KIAA1328: variants seen among roughly 807,000 people sequenced by gnomAD.
The protein encoded by KIAA1328 is protein hinderin.
KIAA1328 carries 52 observed loss-of-function variants against 68.1 expected under a neutral mutation model. The observed-to-expected ratio is 0.76, with a 90% CI of 0.61 to 0.96. The LOEUF is 0.96. Ranked by LOEUF, KIAA1328 falls within the 40% of genes least tolerant of loss-of-function variation. The probability of loss-of-function intolerance (pLI) is 0.00; values close to 1 mark genes in which losing one functional copy is unlikely to be tolerated. For synonymous variants in KIAA1328, 232 were observed against 239.4 expected, an observed-to-expected ratio of 0.97 and a Z score of 0.28; for missense variants, 641 against 677.6, an observed-to-expected ratio of 0.95 and a Z score of 0.60.
At chr18:37,160,537 A>G (rs1023603179) in intron 8 of KIAA1328, among the ~76,000 whole-genome samples, 156 bp downstream of exon 8, 1 of 152,222 alleles carries the variant, frequency 6.6e-6, no homozygotes, top group African/African-American at 2.4e-5. Context: ...CATTTACTAG[A>G]TTAGTGAATT....
chr18:37,054,298 T>A (rs746988197), intron 6 of KIAA1328, among the ~76,000 whole-genome samples: 24 of 152,110 alleles, frequency 1.6e-4, no homozygotes, highest in Non-Finnish European at 3.1e-4. Flanking sequence ...TACCTAGCAG[T>A]CTCACTACTA....
rs189115609 is a variant in KIAA1328 at position 36,891,261 on chromosome 18, C to T, written c.448+5589C>T. On this transcript the variant is annotated intron_variant, in intron 5 of 9. Coordinates refer to ENST00000280020, the MANE Select transcript of KIAA1328 (RefSeq NM_020776.3). ...TGAATTATGTACATATATTTAAATA[C>T]CACTCTATATTCAAGAAATACATAT... Among the ~76,000 whole-genome samples, 156 of 152,154 alleles carry T rather than the reference C, an allele frequency of 1.0e-3. 1 individual carries two copies. The East Asian group carries it at 0.015, about 14-fold the overall frequency.
At chr18:36,918,220 T>G (rs2049783179) in intron 5 of KIAA1328, among the ~76,000 whole-genome samples, 1 of 152,098 alleles carries the variant, frequency 6.6e-6, no homozygotes, top group Non-Finnish European at 1.5e-5. Context: ...TCCATCAGTC[T>G]TGCAGAGTAT....
chr18:37,219,200 G>A (rs1341504615), intron 9 of KIAA1328, among the ~76,000 whole-genome samples: 1 of 152,172 alleles, frequency 6.6e-6, no homozygotes, highest in African/African-American at 2.4e-5. Flanking sequence ...TCCTTCCTCT[G>A]GAAGCTTCAT....
chr18:37,083,026 T>C (rs1429164049), intron 7 of KIAA1328, among the ~76,000 whole-genome samples: 3 of 152,198 alleles, frequency 2.0e-5, no homozygotes, highest in African/African-American at 7.2e-5. Context: ...CAGCCCTCAC[T>C]TTAGTAATTT....
At chr18:37,135,465 T>A (rs2058622767) in intron 7 of KIAA1328, among the ~76,000 whole-genome samples, 1 of 152,200 alleles carries the variant, frequency 6.6e-6, no homozygotes, top group Non-Finnish European at 1.5e-5. Context: ...ATACTGAGCA[T>A]TTTTTCATGT....
At chr18:36,836,652 C>T (rs904393597) in intron 3 of KIAA1328, among the ~76,000 whole-genome samples, 2 of 151,824 alleles carry the variant, frequency 1.3e-5, no homozygotes, top group African/African-American at 4.8e-5. Context: ...TAAAATTCAC[C>T]TTTTTAAAGT....
At chr18:37,009,068 A>C (rs929430060) in intron 6 of KIAA1328, among the ~76,000 whole-genome samples, 3 of 152,222 alleles carry the variant, frequency 2.0e-5, no homozygotes, top group African/African-American at 7.2e-5. Context: ...CATAAGACAC[A>C]AATGAGGACA....
chr18:37,098,104 T>A lies in KIAA1328; in HGVS notation c.1232+30559T>A, dbSNP rs323315. 7.5e-3 allele frequency among the ~76,000 whole-genome samples: 1,132 copies of A among 151,508 alleles called. 13 individuals carry two copies. The highest frequency in any genetic ancestry group is 0.026 in the African/African-American group (1,086 of 41,380). ...TGATTGCTCTGGCCAGAACTTCCAATACTATGTTGAATAGGAGTGGTGAGA... is the reference window on the plus strand; with the variant it reads ...TGATTGCTCTGGCCAGAACTTCCAAAACTATGTTGAATAGGAGTGGTGAGA... On this transcript the variant is annotated intron_variant, in intron 7 of 9. Transcript: ENST00000280020.
intron 7 of KIAA1328, among the ~76,000 whole-genome samples, chr18:37,090,069 C>G (rs1477725986): frequency 6.6e-6 from 1 of 152,128 alleles, no homozygotes; most frequent in Non-Finnish European, 1.5e-5. Context: ...TGTAAATTCC[C>G]TTGCCTGGGA....
At chr18:36,850,373 G>T (rs928145763) in intron 4 of KIAA1328, among the ~76,000 whole-genome samples, 1 of 151,872 alleles carries the variant, frequency 6.6e-6, no homozygotes, top group African/African-American at 2.4e-5. Flanking sequence ...AGCTGTAATA[G>T]TTTTATTTAT....
chr18:37,057,270 T>C (rs1402642453), intron 6 of KIAA1328, among the ~76,000 whole-genome samples: 1 of 152,136 alleles, frequency 6.6e-6, no homozygotes, highest in Non-Finnish European at 1.5e-5. Flanking sequence ...GTTGGCAAAC[T>C]ACAGCAGGTC....
At chr18:36,871,374 CA>C (rs1199269345) in intron 4 of KIAA1328, among the ~76,000 whole-genome samples, 2 of 152,136 alleles carry the variant, frequency 1.3e-5, no homozygotes, top group African/African-American at 4.8e-5. Flanking sequence ...TAGGTCATAT[CA>C]GGGGCTACCT....
chr18:37,169,301 G>C (rs1307597338), intron 8 of KIAA1328, among the ~76,000 whole-genome samples: 1 of 151,806 alleles, frequency 6.6e-6, no homozygotes, highest in Non-Finnish European at 1.5e-5. Flanking sequence ...GAGTAACTGG[G>C]ATTACAGGTG....
chr18:36,879,278 C>T (rs1211276188), intron 4 of KIAA1328, among the ~76,000 whole-genome samples: 1 of 152,056 alleles, frequency 6.6e-6, no homozygotes, highest in Non-Finnish European at 1.5e-5. Context: ...TAGTCAGTCC[C>T]CTCTTCTGCA....
chr18:36,962,431 G>C (rs1206275219), intron 6 of KIAA1328, among the ~76,000 whole-genome samples: 1 of 152,160 alleles, frequency 6.6e-6, no homozygotes, highest in Non-Finnish European at 1.5e-5. Flanking sequence ...AAGTTAACAA[G>C]GATATCCAGC....
chr18:37,133,401 A>G (rs2058569206), intron 7 of KIAA1328, among the ~76,000 whole-genome samples: 1 of 151,974 alleles, frequency 6.6e-6, no homozygotes, highest in African/African-American at 2.4e-5. Flanking sequence ...GCACTGGAAT[A>G]GTAGAGTTTT....
intron 7 of KIAA1328, among the ~76,000 whole-genome samples, chr18:37,133,051 G>A (rs1198526249): frequency 6.6e-6 from 1 of 152,148 alleles, no homozygotes; most frequent in African/African-American, 2.4e-5. Context: ...ACTAGCAATG[G>A]TGGCCAGGCG....
At chr18:37,147,156 A>T (rs757616429) in intron 7 of KIAA1328, among the ~76,000 whole-genome samples, 3 of 152,218 alleles carry the variant, frequency 2.0e-5, no homozygotes, top group Non-Finnish European at 4.4e-5. Flanking sequence ...TAAACTGTCC[A>T]GCCATCAGAA....
Sources: allele counts gnomAD v4.1 joint callset (sites outside exome capture counted in the v4.1 genomes callset), GRCh38; gene constraint gnomAD v4.1.1; transcripts MANE v1.5; gene names NCBI Gene and HGNC (gene_info 2026-07-23, HGNC 2026-07-21).